The following ABCB4 variants were observed in gnomAD, a reference collection of about 807,000 sequenced individuals.
ABCB4 encodes the protein phosphatidylcholine translocator ABCB4.
Under a neutral mutation model 145.7 loss-of-function variants are expected in ABCB4, and 76 were observed. That is an observed-to-expected ratio of 0.52 (90% confidence interval 0.43 to 0.63). ABCB4 has a LOEUF of 0.63. ABCB4 is among the 30% of genes least tolerant of loss of function. The probability of loss-of-function intolerance (pLI) is 0.00; values close to 1 mark genes in which losing one functional copy is unlikely to be tolerated. For missense variants in ABCB4, 1,234 were observed against 1,553.1 expected (o/e 0.79, Z 3.45); for synonymous variants, 517 against 566.8 (o/e 0.91, Z 1.25).
intron 26 of ABCB4, among the ~76,000 whole-genome samples, chr7:87,404,183 T>C (rs1367558458): frequency 6.6e-6 from 1 of 152,176 alleles, no homozygotes; most frequent in East Asian, 1.9e-4. Flanking sequence ...TAAAATTTTA[T>C]TTGTGGGTGT....
intron 4 of ABCB4, among the ~76,000 whole-genome samples, chr7:87,458,233 C>A (rs1405866772): frequency 6.6e-6 from 1 of 152,174 alleles, no homozygotes; most frequent in Non-Finnish European, 1.5e-5. Flanking sequence ...GTCCTTGACA[C>A]TCTGCAGAAA....
chr7:87,475,595 G>T, intron 1 of ABCB4, 39 bp downstream of exon 1: 1 of 951,748 alleles, frequency 1.1e-6, no homozygotes, highest in Non-Finnish European at 1.6e-6. Flanking sequence ...CACGTCCCGG[G>T]TCTCCCTTCG....
At chr7:87,446,944 T>C in intron 9 of ABCB4, 90 bp downstream of exon 9, 9 of 1,258,490 alleles carry the variant, frequency 7.2e-6, no homozygotes, top group Non-Finnish European at 1.0e-5. Flanking sequence ...CATGTTCATC[T>C]TTCAAAAAGG....
At chr7:87,449,701 G>C (rs1811580527) in intron 8 of ABCB4, among the ~76,000 whole-genome samples, 1 of 152,054 alleles carries the variant, frequency 6.6e-6, no homozygotes, top group Non-Finnish European at 1.5e-5. Flanking sequence ...GCTTCCCAAA[G>C]GGCTAGCATA....
intron 13 of ABCB4, 59 bp downstream of exon 13, chr7:87,440,139 AC>A: frequency 2.6e-6 from 4 of 1,543,280 alleles, no homozygotes; most frequent in Non-Finnish European, 3.6e-6. Context: ...TGAAGAATAA[AC>A]TCAGTCCTAT....
intron 3 of ABCB4, among the ~76,000 whole-genome samples, chr7:87,466,907 C>T (rs191300720): frequency 3.3e-5 from 5 of 152,206 alleles, no homozygotes; most frequent in African/African-American, 9.6e-5. Flanking sequence ...AAGCACTAAA[C>T]GTGGAAAGGA....
Position 87,411,768 on chromosome 7 carries a change from T to C in ABCB4, c.2924+125A>G, listed in dbSNP as rs956436320. ...TCTGTGCCTGCCAGGATGGAAACTG[T>C]GGTAAATTTAAATCCCTGACCTCAT... is the stretch of plus-strand genomic sequence containing the variant. On this transcript the variant is annotated intron_variant, in intron 23 of 27. Transcript: ENST00000649586. 3 of 830,388 alleles carry C rather than the reference T, an allele frequency of 3.6e-6. No homozygotes were observed. In the African/African-American group the frequency reaches 5.2e-5, roughly 14 times the overall value. 51.4% of individuals were successfully genotyped at this position (830,388 alleles called of 1,614,324 possible). A position where few individuals can be genotyped will look rare whatever the true frequency, so the allele number is the denominator to read the frequency against.
chr7:87,457,115 C>T (rs1306330298), intron 4 of ABCB4, among the ~76,000 whole-genome samples: 5 of 152,292 alleles, frequency 3.3e-5, no homozygotes, highest in Admixed American at 3.3e-4. Flanking sequence ...TCCAGAGCAT[C>T]ACATTTTTAT....
rs1279488027 is a variant in ABCB4 at position 87,454,727 on chromosome 7, C to A, written c.287-135G>T. On this transcript the variant is annotated intron_variant, in intron 4 of 27. Coordinates refer to ENST00000649586, the MANE Select transcript of ABCB4 (RefSeq NM_000443.4). ...TATTGTTAAGTTTCTCTTTAAAAAA[C>A]ACTTTTCTTTGCACACTTAAGTGCA... 3 of 716,356 alleles carry A rather than the reference C, an allele frequency of 4.2e-6. No individual in the cohort carries two copies. In the South Asian group the frequency reaches 5.6e-5, roughly 13 times the overall value. 44.4% of individuals were successfully genotyped at this position (716,356 alleles called of 1,614,324 possible).
At position 87,440,357 on chromosome 7, in the gene ABCB4, G is replaced by T; in HGVS notation, c.1402C>A (p.Leu468Met). 1 of 1,614,044 alleles carries T rather than the reference G, an allele frequency of 6.2e-7. No homozygotes were observed. The highest frequency in any genetic ancestry group is 8.5e-7 in the Non-Finnish European group (1 of 1,179,988). Residue 468 changes from leucine (L) to methionine (M), a missense_variant, in exon 13 of 28, where the codon CTG becomes ATG. By Grantham distance (15) the Leu-to-Met change is conservative. Coordinates refer to ENST00000649586, the MANE Select transcript of ABCB4 (RefSeq NM_000443.4). ...QDIRNFNVNY[L>M]REIIGVVSQE... ...CTCACCACACCAATGATTTCCCTCA[G>T]ATAGTTTACATTAAAGTTCCTAATA...
At chr7:87,431,074 C>T (rs1303257240) in intron 15 of ABCB4, among the ~76,000 whole-genome samples, 2 of 152,140 alleles carry the variant, frequency 1.3e-5, no homozygotes, top group Non-Finnish European at 2.9e-5. Context: ...CGGGGCTCCT[C>T]GGACAAGTCG....
intron 5 of ABCB4, 61 bp downstream of exon 5, chr7:87,454,474 C>G (rs1811980354): frequency 1.8e-5 from 24 of 1,298,044 alleles, no homozygotes; most frequent in Non-Finnish European, 2.5e-5. Context: ...TCTTATAACT[C>G]TGTAATTGGA....
chr7:87,455,055 T>C (rs911371337), intron 4 of ABCB4, among the ~76,000 whole-genome samples: 5 of 152,092 alleles, frequency 3.3e-5, no homozygotes, highest in East Asian at 1.9e-4. Flanking sequence ...TATTTTTATA[T>C]CTGTGTGTTT....
chr7:87,420,884 G>C (rs1452805954), intron 18 of ABCB4, among the ~76,000 whole-genome samples: 4 of 152,184 alleles, frequency 2.6e-5, no homozygotes, highest in Non-Finnish European at 4.4e-5. Context: ...ACAAAATTCA[G>C]TGTGTTCCTA....
In ABCB4 at chr7:87,408,186, G is replaced by T. The variant is rs144852385; in HGVS notation, c.3130C>A (p.Pro1044Thr). 1.2e-6 allele frequency: 2 copies of T among 1,614,058 alleles called. No individual in the cohort carries two copies. The highest frequency in any genetic ancestry group is 2.7e-5 in the African/African-American group (2 of 74,924). Reference sequence around the variant, plus strand: ...AGCACTGGCACGTTTGCTCGGGTGGGATAGTTGAACACGACTTCATTAAAT... The same window carrying T: ...AGCACTGGCACGTTTGCTCGGGTGGTATAGTTGAACACGACTTCATTAAAT... The part of the protein sequence containing the change: ...ITFNEVVFNY[P>T]TRANVPVLQG... Residue 1044 changes from proline to threonine, a missense_variant, in exon 25 of 28, where the codon CCC becomes ACC. This residue lies in a region of ABCB4 where 301 missense variants were observed against 389.0 expected (regional missense o/e 0.77). Coordinates refer to ENST00000649586, the MANE Select transcript of ABCB4 (RefSeq NM_000443.4).
chr7:87,416,925 A>C (rs1011744317), intron 21 of ABCB4, among the ~76,000 whole-genome samples: 9 of 152,232 alleles, frequency 5.9e-5, no homozygotes, highest in Admixed American at 4.6e-4. Flanking sequence ...AGCCAAAAAG[A>C]AGAGGATCTC....
the ABCB4 span, among the ~76,000 whole-genome samples, chr7:87,388,494 G>A: frequency 6.6e-6 from 1 of 152,022 alleles, no homozygotes; most frequent in African/African-American, 2.4e-5. Flanking sequence ...CATCTGATCT[G>A]TAACAAACCT....
In ABCB4 at chr7:87,475,434, G is replaced by A; in HGVS notation, c.32C>T (p.Ala11Val). ...GCCCTCCGCGCTCGTGGGGCGCCAG[G>A]CTGTTCCGTTCTTTGCCGCCTCAAG... is the stretch of plus-strand genomic sequence containing the variant. Reference protein sequence around the residue: MDLEAAKNGTAWRPTSAEGDF... With the variant: MDLEAAKNGTVWRPTSAEGDF... The change falls in exon 2 of 28, where the codon GCC becomes GTC. Residue 11 changes from alanine (A) to valine (V), a missense_variant. Ala to Val is a moderately conservative substitution (Grantham distance 64). This residue lies in a region of ABCB4 where 77 missense variants were observed against 73.3 expected (regional missense o/e 1.05). Transcript: ENST00000649586. 3 of 1,614,206 alleles carry A rather than the reference G, an allele frequency of 1.9e-6. No individual in the cohort carries two copies. Among genetic ancestry groups the A allele is most frequent in the Non-Finnish European group, 2.5e-6 (3 of 1,180,030 alleles).
chr7:87,382,628 G>A, the ABCB4 span: 1 of 1,393,676 alleles, frequency 7.2e-7, no homozygotes, highest in Admixed American at 2.4e-5. Flanking sequence ...TAACTCCTCA[G>A]TATTTTTGCT....
Sources: allele counts gnomAD v4.1 joint callset (sites outside exome capture counted in the v4.1 genomes callset), GRCh38; gene constraint gnomAD v4.1.1; regional missense constraint gnomAD v4.1.1; transcripts MANE v1.5; gene names NCBI Gene and HGNC (gene_info 2026-07-23, HGNC 2026-07-21).